The following LILRB4 variants were observed in gnomAD, a reference collection of about 807,000 sequenced individuals.
The protein encoded by LILRB4 is leukocyte immunoglobulin-like receptor subfamily B member 4.
In LILRB4, 49 loss-of-function variants were observed where a neutral mutation model predicts 55.2. That is an observed-to-expected ratio of 0.89 (90% CI 0.71 to 1.13). LILRB4 has a LOEUF of 1.13. Among genes scored for constraint, LILRB4 ranks in the 50% most tolerant of loss-of-function variants. The pLI is 0.00. For synonymous variants in LILRB4, 229 were observed against 213.8 expected, an observed-to-expected ratio of 1.07 and a Z score of -0.62; for missense variants, 590 against 555.2, an observed-to-expected ratio of 1.06 and a Z score of -0.63.
In LILRB4 at chr19:54,667,669, C is replaced by T. The variant is rs147216101; in HGVS notation, c.1073C>T (p.Thr358Met). The T allele has an allele frequency of 5.2e-4, 835 of 1,611,378 alleles. 5 individuals carry two copies. In the East Asian group the frequency reaches 0.014, roughly 26 times the overall value. The change falls in exon 11 of 12, where the codon ACG (threonine) becomes ATG (methionine). Residue 358 changes from threonine (T) to methionine (M), a missense_variant. By Grantham distance (81) the Thr-to-Met change is moderately conservative. Transcript: ENST00000430952. ...CACGATGAAGACCCCCAGGCAGTGA[C>T]GTATGCCAAGGTGAAACACTCCAGA...
At chr19:54,668,027 G>A (rs1231889833) in exon 12 of LILRB4, 1 of 1,613,992 alleles carries the variant, frequency 6.2e-7, no homozygotes, top group East Asian at 2.2e-5. Flanking sequence ...TAATCCAGGG[G>A]GGACCCAGAC....
intron 4 of LILRB4, 150 bp downstream of exon 4, chr19:54,664,635 G>A (rs2065183650): frequency 1.9e-6 from 2 of 1,036,878 alleles, no homozygotes; most frequent in Admixed American, 5.4e-5. Flanking sequence ...GGCCCTCCCA[G>A]GCATGCCCAT....
chr19:54,665,339 T>C lies in LILRB4; in HGVS notation c.757+159T>C. On this transcript the variant is annotated intron_variant, in intron 6 of 11. Transcript: ENST00000430952. The surrounding 1 kb of genome is among the most constrained non-coding windows in gnomAD (Gnocchi z 5.5). ...AGTGTAAAGGAGAGAGGCCTGCGGG[T>C]GGGAAAGTTCCTTTCAGCTCTGACT... 6.7e-6 allele frequency: 6 copies of C among 889,008 alleles called. No individual in the cohort carries two copies. The highest frequency in any genetic ancestry group is 8.1e-6 in the Non-Finnish European group (6 of 742,374). The allele number at this position is 889,008 out of a possible 1,614,324, so 55.1% of individuals were successfully genotyped here.
Position 54,664,415 on chromosome 19 carries a change from C to A in LILRB4, c.585C>A (p.Cys195Ter). 1 of 1,611,212 alleles carries A rather than the reference C, an allele frequency of 6.2e-7. No individual in the cohort carries two copies. Among genetic ancestry groups the A allele is most frequent in the Admixed American group, 1.7e-5 (1 of 59,642 alleles). ...CAGTGCACGGGGGGACCTACAGGTG[C>A]TTCAGCTCACACGGCTTCTCCCACT... The change falls in exon 4 of 12, where the codon TGC becomes TGA. Residue 195 changes from cysteine to a stop codon, truncating the protein, a stop_gained. Coordinates refer to ENST00000430952, the Ensembl canonical transcript of LILRB4. LOFTEE classifies it high-confidence loss of function.
rs759499368 is a variant in LILRB4, at chr19:54,665,056, G to T, written c.707-74G>T. Reference sequence around the variant, plus strand: ...GGGTGAGGGGGTCAAGGCTGAAGGAGATGTTGCGGGGAGAAGCCGAGCTGA... The same window carrying T: ...GGGTGAGGGGGTCAAGGCTGAAGGATATGTTGCGGGGAGAAGCCGAGCTGA... On this transcript the variant is annotated intron_variant, in intron 5 of 11. Transcript: ENST00000430952. The surrounding 1 kb of genome is among the most constrained non-coding windows in gnomAD (Gnocchi z 5.5). The T allele has an allele frequency of 5.7e-6, 9 of 1,567,176 alleles. No individual in the cohort carries two copies. The South Asian group carries it at 9.0e-5, about 16-fold the overall frequency.
chr19:54,665,832 G>A lies in LILRB4; in HGVS notation c.775G>A (p.Glu259Lys), dbSNP rs753123231. Residue 259 changes from glutamate to lysine, a missense_variant, in exon 7 of 12, where the codon GAG becomes AAG. By Grantham distance (56) the Glu-to-Lys change is moderately conservative (BLOSUM62 1). Coordinates refer to ENST00000430952, the Ensembl canonical transcript of LILRB4. The surrounding 1 kb of genome is among the most constrained non-coding windows in gnomAD (Gnocchi z 5.5). ...CGCCCAAGGTCTGAGAAGGCACTGG[G>A]AGGTACTGATCGGGGTCTTGGTGGT... The A allele has an allele frequency of 3.7e-6, 6 of 1,610,598 alleles. No individual in the cohort carries two copies. The highest frequency in any genetic ancestry group is 5.1e-6 in the Non-Finnish European group (6 of 1,178,606).
exon 12 of LILRB4, chr19:54,668,118 G>T (rs146541588): frequency 0.022 from 30,376 of 1,405,310 alleles, 426 homozygotes; most frequent in Middle Eastern, 0.077. Context: ...AGCCAGCCCA[G>T]ACCCCTGACA....
chr19:54,668,141 A>C, exon 12 of LILRB4: 1 of 1,141,266 alleles, frequency 8.8e-7, no homozygotes, highest in East Asian at 2.4e-5. Context: ...GACCACTAGA[A>C]GATTCCGGGA....
At chr19:54,663,327 T>C (rs994201886) in intron 1 of LILRB4, among the ~76,000 whole-genome samples, 1 of 150,566 alleles carries the variant, frequency 6.6e-6, no homozygotes, top group African/African-American at 2.4e-5. Context: ...GCGCCTGTGG[T>C]CCCAGCCACT....
rs767363519 is a variant in LILRB4 at position 54,665,192 on chromosome 19, G to C, written c.757+12G>C. 5 of 1,590,218 alleles carry C rather than the reference G, an allele frequency of 3.1e-6. No individual in the cohort carries two copies. In the Admixed American group the frequency reaches 6.9e-5, roughly 22 times the overall value. On this transcript the variant is annotated intron_variant, in intron 6 of 11. Coordinates refer to ENST00000430952, the Ensembl canonical transcript of LILRB4. The surrounding 1 kb of genome is among the most constrained non-coding windows in gnomAD (Gnocchi z 5.5). Reference sequence around the variant, plus strand: ...AGTCCCCCACAGTGGTGAGTGAGGGGCTCTGAGTGGGAGGTGGGCAGGGTC... The same window carrying C: ...AGTCCCCCACAGTGGTGAGTGAGGGCCTCTGAGTGGGAGGTGGGCAGGGTC...
Position 54,665,009 on chromosome 19 carries a change from G to T in LILRB4, c.707-121G>T. On this transcript the variant is annotated intron_variant, in intron 5 of 11. Coordinates refer to ENST00000430952, the Ensembl canonical transcript of LILRB4. The surrounding 1 kb of genome is among the most constrained non-coding windows in gnomAD (Gnocchi z 5.5). ...TTGGGAGGCACCACAGGCTCCCAAG[G>T]CCCTGAGGCTGGGCTGGTGAGGGGT... is the stretch of plus-strand genomic sequence containing the variant. The T allele has an allele frequency of 7.1e-7, 1 of 1,404,064 alleles. No individual in the cohort carries two copies. Among genetic ancestry groups the T allele is most frequent in the Non-Finnish European group, 1.0e-6 (1 of 1,000,462 alleles). The allele number at this position is 1,404,064 out of a possible 1,614,324, so 87.0% of individuals were successfully genotyped here. A position where few individuals can be genotyped will look rare whatever the true frequency, so the allele number is the denominator to read the frequency against.
Position 54,664,488 on chromosome 19 carries a change from G to T in LILRB4, c.655+3G>T. On this transcript the variant is annotated splice_donor_region_variant and intron_variant, in intron 4 of 11. Coordinates refer to ENST00000430952, the Ensembl canonical transcript of LILRB4. The stretch of plus-strand genomic sequence containing the variant: ...CCCCCTGGAGCTCATAGTCTCAGGT[G>T]AGGCTCCTGACCCTGTCCTCTCTGA... The T allele has an allele frequency of 1.3e-6, 2 of 1,594,234 alleles. No homozygotes were observed. Among genetic ancestry groups the T allele is most frequent in the Non-Finnish European group, 1.7e-6 (2 of 1,169,758 alleles).
Position 54,665,995 on chromosome 19 carries a change from G to A in LILRB4, c.874+64G>A. ...GTGGGCTCAGGGCACCAGCCAAAGG[G>A]ACTCCAGATAGGAGAGGTCATCTTA... is the stretch of plus-strand genomic sequence containing the variant. On this transcript the variant is annotated intron_variant, in intron 7 of 11. Transcript: ENST00000430952. This position sits in a 1 kb window ranked among gnomAD's most constrained non-coding sequence, Gnocchi z 5.5. 1 of 1,601,762 alleles carries A rather than the reference G, an allele frequency of 6.2e-7. No individual in the cohort carries two copies. Among genetic ancestry groups the A allele is most frequent in the Non-Finnish European group, 8.5e-7 (1 of 1,171,018 alleles).
intron 4 of LILRB4, 131 bp downstream of exon 4, chr19:54,664,616 G>A: frequency 1.8e-6 from 2 of 1,091,736 alleles, no homozygotes; most frequent in Admixed American, 2.6e-5. Flanking sequence ...AGGGGAGGAG[G>A]ACAACAGGGG....
At chr19:54,663,677 G>C (rs1386904422) in intron 2 of LILRB4, 77 bp from the exon 3 acceptor site, 8 of 1,605,404 alleles carry the variant, frequency 5.0e-6, no homozygotes, top group East Asian at 2.2e-5. Context: ...TGAGGATGAC[G>C]GGGGGGTCCT....
chr19:54,667,697 T>C, exon 11 of LILRB4: 2 of 1,608,950 alleles, frequency 1.2e-6, no homozygotes, highest in Non-Finnish European at 1.7e-6. Flanking sequence ...ACTCCAGACC[T>C]AGGAGAGAAA....
rs1257282940 is a variant in LILRB4 at position 54,667,264 on chromosome 19, G to A, written c.1042-374G>A. 1.2e-5 allele frequency: 7 copies of A among 575,532 alleles called. No individual in the cohort carries two copies. In the African/African-American group the frequency reaches 1.3e-4, roughly 11 times the overall value. 35.7% of individuals were successfully genotyped at this position (575,532 alleles called of 1,614,324 possible). A position where few individuals can be genotyped will look rare whatever the true frequency, so the allele number is the denominator to read the frequency against. On this transcript the variant is annotated intron_variant, in intron 10 of 11. Transcript: ENST00000430952. ...AAAGGGCAGAGAGTGTGGGGCAGTG[G>A]GGCCAGTCTGAATGGAAAGGGAGGG...
exon 3 of LILRB4, chr19:54,663,901 A>T (rs1337952450): frequency 6.2e-7 from 1 of 1,614,076 alleles, no homozygotes; most frequent in Non-Finnish European, 8.5e-7. Context: ...GACAGACAGA[A>T]CCCACTGGAG....
At position 54,663,038 on chromosome 19, in the gene LILRB4, T is replaced by TC; in HGVS notation, c.9dup (p.Thr4HisfsTer31). On this transcript the variant is annotated frameshift_variant, in exon 1 of 12. Transcript: ENST00000430952. LOFTEE classifies it high-confidence loss of function. ...GGGCCCCTGGGAGGAGACGCCATGA[T>TC]CCCCACCTTCACGGCTCTGCTCTGC... 1 of 1,613,624 alleles carries TC rather than the reference T, an allele frequency of 6.2e-7. No individual in the cohort carries two copies. Among genetic ancestry groups the TC allele is most frequent in the Non-Finnish European group, 8.5e-7 (1 of 1,179,856 alleles).
Sources: gnomAD v4.1 joint callset for allele counts (sites outside exome capture counted in the v4.1 genomes callset) on GRCh38, gnomAD v4.1.1 for gene constraint, Gnocchi (gnomAD v3.1) non-coding constraint, MANE v1.5 for transcripts, NCBI Gene and HGNC (gene_info 2026-07-23, HGNC 2026-07-21) for gene names.